Variants in LACTB2 observed in about 807,000 individuals in gnomAD.
LACTB2 encodes lactamase beta 2, also known as endoribonuclease LACTB2.
Under a neutral mutation model 34.8 loss-of-function variants are expected in LACTB2, and 32 were observed. The observed-to-expected ratio is 0.92, with a 90% CI of 0.69 to 1.24. LACTB2 has a LOEUF of 1.24. LACTB2 is among the 50% of genes most tolerant of loss of function. LACTB2 has a pLI of 0.00. For synonymous variants in LACTB2, 120 were observed against 117.5 expected, an observed-to-expected ratio of 1.02 and a Z score of -0.14; for missense variants, 320 against 345.0, an observed-to-expected ratio of 0.93 and a Z score of 0.57.
In LACTB2 at chr8:70,668,748, G is replaced by GTTTTTTTTTTTT. The variant is rs990900411; in HGVS notation, c.122+239_122+250dup. ...CAGTAAATCGGGTTTCAAAACAGAA[G>GTTTTTTTTTTTT]TTTTTTTTTTTTTTTTTTTTTTTTT... On this transcript the variant is annotated intron_variant, in intron 1 of 6. Transcript: ENST00000276590. Among the ~76,000 whole-genome samples, 41 of 103,710 alleles carry GTTTTTTTTTTTT rather than the reference G, an allele frequency of 4.0e-4. 1 individual carries two copies. The highest frequency in any genetic ancestry group is 1.5e-3 in the African/African-American group (36 of 23,894). The allele number at this position is 103,710 out of a possible 152,430, so 68.0% of individuals were successfully genotyped here.
intron 3 of LACTB2, among the ~76,000 whole-genome samples, chr8:70,657,265 CAT>C (rs2132077742): frequency 6.6e-6 from 1 of 152,148 alleles, no homozygotes; most frequent in South Asian, 2.1e-4. Flanking sequence ...CAATGGTAAT[CAT>C]ATGATTCAAA....
intron 3 of LACTB2, among the ~76,000 whole-genome samples, chr8:70,656,787 C>T (rs1184109415): frequency 6.6e-6 from 1 of 152,104 alleles, no homozygotes; most frequent in Admixed American, 6.5e-5. Flanking sequence ...GTCATTTTCA[C>T]AATACTGATC....
At chr8:70,661,651 A>G in intron 2 of LACTB2, 83 bp downstream of exon 2, 2 of 1,219,182 alleles carry the variant, frequency 1.6e-6, no homozygotes, top group South Asian at 1.5e-5. Context: ...AATGGTTTAT[A>G]GACTACTTAG....
chr8:70,653,049 T>G (rs1032276728), intron 3 of LACTB2, among the ~76,000 whole-genome samples: 1 of 152,228 alleles, frequency 6.6e-6, no homozygotes, highest in African/African-American at 2.4e-5. Flanking sequence ...CAAGTAGTAA[T>G]ATAACATTTG....
At chr8:70,648,812 T>C (rs1818300440) in intron 3 of LACTB2, among the ~76,000 whole-genome samples, 1 of 152,150 alleles carries the variant, frequency 6.6e-6, no homozygotes, top group African/African-American at 2.4e-5. Context: ...AACACACTAC[T>C]GCCAAAATAT....
intron 5 of LACTB2, among the ~76,000 whole-genome samples, chr8:70,639,930 C>T (rs780429691): frequency 6.6e-6 from 1 of 151,946 alleles, no homozygotes; most frequent in Non-Finnish European, 1.5e-5. Context: ...CCACTGCACT[C>T]CAGCCTGGGC....
At chr8:70,640,038 G>A (rs1275871853) in intron 5 of LACTB2, among the ~76,000 whole-genome samples, 1 of 152,154 alleles carries the variant, frequency 6.6e-6, no homozygotes, top group Non-Finnish European at 1.5e-5. Flanking sequence ...TAGGCTCACT[G>A]CAGCCTTGAC....
In LACTB2 at chr8:70,637,834, AAAAC is replaced by A. The variant is rs748415108; in HGVS notation, c.*22_*25del. ...ACATACCATTCTCTGAAAGCAAAATAAAACAAAGCTTTCTTTAATCTGAAACTAA... is the reference window on the plus strand; with the variant it reads ...ACATACCATTCTCTGAAAGCAAAATAAAAGCTTTCTTTAATCTGAAACTAA... On this transcript the variant is annotated 3_prime_UTR_variant, in exon 7 of 7. Transcript: ENST00000276590. 2 of 1,487,966 alleles carry A rather than the reference AAAAC, an allele frequency of 1.3e-6. No individual in the cohort carries two copies. Among genetic ancestry groups the A allele is most frequent in the African/African-American group, 2.8e-5 (2 of 70,576 alleles). 92.2% of individuals were successfully genotyped at this position (1,487,966 alleles called of 1,614,324 possible).
At chr8:70,644,923 T>A (rs1308587900) in intron 3 of LACTB2, among the ~76,000 whole-genome samples, 1 of 152,142 alleles carries the variant, frequency 6.6e-6, no homozygotes, top group African/African-American at 2.4e-5. Flanking sequence ...ACAGAATATA[T>A]ACTTTTTGAT....
chr8:70,657,680 T>C (rs567694251), intron 3 of LACTB2, 76 bp downstream of exon 3: 2 of 1,375,190 alleles, frequency 1.5e-6, no homozygotes, highest in African/African-American at 3.0e-5. Context: ...CCCAAAATGC[T>C]GGGATCCTTC....
At chr8:70,656,966 A>T (rs1277429514) in intron 3 of LACTB2, among the ~76,000 whole-genome samples, 1 of 152,200 alleles carries the variant, frequency 6.6e-6, no homozygotes, top group East Asian at 1.9e-4. Context: ...GAATGAGTAA[A>T]GTCTTACATA....
chr8:70,658,079 A>C (rs948626873), intron 2 of LACTB2, among the ~76,000 whole-genome samples, 197 bp from the exon 3 acceptor site: 2 of 152,204 alleles, frequency 1.3e-5, no homozygotes, highest in African/African-American at 4.8e-5. Context: ...ACAGCTCTTC[A>C]TTCTTTCATG....
intron 1 of LACTB2, among the ~76,000 whole-genome samples, chr8:70,666,685 G>C (rs566186506): frequency 5.3e-5 from 8 of 152,364 alleles, no homozygotes; most frequent in Non-Finnish European, 1.0e-4. Flanking sequence ...AGTAGCCTAA[G>C]CAAGAGTTGT....
intron 2 of LACTB2, chr8:70,660,425 G>A (rs575399020): frequency 2.5e-5 from 9 of 366,326 alleles, no homozygotes; most frequent in South Asian, 1.7e-4. Context: ...AAGGAAGCTT[G>A]GTTGCCAGTT....
chr8:70,668,757 T>TGG (rs141269253), intron 1 of LACTB2, among the ~76,000 whole-genome samples: 2 of 145,582 alleles, frequency 1.4e-5, no homozygotes, highest in East Asian at 4.0e-4. Context: ...AGTTTTTTTT[T>TGG]TTTTTTTTTT....
chr8:70,659,212 T>A (rs925493861), intron 2 of LACTB2, among the ~76,000 whole-genome samples: 1 of 151,820 alleles, frequency 6.6e-6, no homozygotes, highest in African/African-American at 2.4e-5. Context: ...CTTTACCACG[T>A]GTAATCACTG....
chr8:70,653,353 C>A (rs1219650692), intron 3 of LACTB2, among the ~76,000 whole-genome samples: 2 of 152,088 alleles, frequency 1.3e-5, no homozygotes, highest in African/African-American at 4.8e-5. Flanking sequence ...CCTTGGCCTC[C>A]CAAAGTACTG....
intron 6 of LACTB2, among the ~76,000 whole-genome samples, chr8:70,638,182 T>G (rs1818147430): frequency 6.6e-6 from 1 of 151,946 alleles, no homozygotes; most frequent in Admixed American, 6.6e-5. Flanking sequence ...TTGACATCTC[T>G]AAGTTTACTA....
chr8:70,642,420 G>A (rs1021396468), intron 4 of LACTB2, among the ~76,000 whole-genome samples: 1 of 151,516 alleles, frequency 6.6e-6, no homozygotes, highest in African/African-American at 2.4e-5. Context: ...TTGGTTAATC[G>A]CAAGTTAGAA....
Sources: allele counts gnomAD v4.1 joint callset (sites outside exome capture counted in the v4.1 genomes callset), GRCh38; gene constraint gnomAD v4.1.1; transcripts MANE v1.5; gene names NCBI Gene and HGNC (gene_info 2026-07-23, HGNC 2026-07-21).